SLC26A5: variants seen among roughly 807,000 people sequenced by gnomAD.
SLC26A5 encodes the protein prestin.
SLC26A5 carries 51 observed loss-of-function variants against 81.0 expected under a neutral mutation model. That is an observed-to-expected ratio of 0.63 (90% confidence interval 0.50 to 0.80). The LOEUF (loss-of-function observed/expected upper bound fraction) is 0.80. SLC26A5 is among the 30% of genes least tolerant of loss of function. The pLI, the probability that SLC26A5 is intolerant of heterozygous loss-of-function variation, is 0.00. For missense variants in SLC26A5, 771 were observed against 905.8 expected, an observed-to-expected ratio of 0.85 and a Z score of 1.91; for synonymous variants, 325 against 332.8, an observed-to-expected ratio of 0.98 and a Z score of 0.25.
chr7:103,393,567 CTGTG>C (rs10549297), intron 9 of SLC26A5, among the ~76,000 whole-genome samples: 223 of 146,764 alleles, frequency 1.5e-3, no homozygotes, highest in Admixed American at 1.9e-3. Flanking sequence ...CTACCTCTTC[CTGTG>C]TGTGTGTGTG....
intron 1 of SLC26A5, among the ~76,000 whole-genome samples, chr7:103,444,467 G>A (rs1348620619): frequency 1.3e-5 from 2 of 152,114 alleles, no homozygotes; most frequent in Non-Finnish European, 2.9e-5. Flanking sequence ...GACTTTGATC[G>A]TCAATTAAAT....
rs752911104 is a variant in SLC26A5, at chr7:103,367,645, G to A, written c.2041+9163C>T. ...GAAAACCATTTCATTTTAGGAAAGG[G>A]ATTTTTGAAGTTTTTTCTTCCTGTG... On this transcript the variant is annotated intron_variant, in intron 19 of 19. Transcript: ENST00000339444. The surrounding 1 kb of genome is among the most constrained non-coding windows in gnomAD (Gnocchi z 6.1). 6 of 1,608,992 alleles carry A rather than the reference G, an allele frequency of 3.7e-6. No homozygotes were observed. In the South Asian group the frequency reaches 6.7e-5, roughly 18 times the overall value.
In SLC26A5 at chr7:103,421,569, T is replaced by C. The variant is rs116900495; in HGVS notation, c.-53-2A>G. ...GAGACAAGCATTTCCTGAGTGTCAC[T>C]AGGGGAAAAAAGAAAAACTCCATTT... On this transcript the variant is annotated splice_acceptor_variant, in intron 2 of 19. Transcript: ENST00000306312. LOFTEE classifies it low-confidence loss of function (5UTR_SPLICE). 0.011 allele frequency: 17,620 copies of C among 1,583,898 alleles called. 110 individuals carry two copies. The highest frequency in any genetic ancestry group is 0.013 in the Non-Finnish European group (15,008 of 1,155,132).
intron 9 of SLC26A5, among the ~76,000 whole-genome samples, chr7:103,397,582 T>C (rs1178462491): frequency 1.4e-5 from 2 of 142,738 alleles, no homozygotes; most frequent in Non-Finnish European, 1.5e-5. Context: ...CCAGGTGTGG[T>C]AGCATACGCC....
intron 19 of SLC26A5, 58 bp from the exon 20 acceptor site, chr7:103,374,650 A>T (rs1821220285): frequency 1.3e-6 from 2 of 1,486,120 alleles, no homozygotes; most frequent in African/African-American, 2.8e-5. Context: ...TTCAACAATT[A>T]AAAAAAAGTA....
chr7:103,415,151 T>C (rs908113444), intron 4 of SLC26A5, among the ~76,000 whole-genome samples: 4 of 152,198 alleles, frequency 2.6e-5, no homozygotes, highest in Non-Finnish European at 5.9e-5. Context: ...AAAACAGCTT[T>C]AGCAAAAGAA....
In SLC26A5 at chr7:103,353,864, T is replaced by A. The variant is rs572657849; in HGVS notation, c.2042-938A>T. On this transcript the variant is annotated intron_variant, in intron 19 of 19. Coordinates refer to the SLC26A5 transcript ENST00000339444. ...AGAAAAAAAGCTCTAGTTTCTTTTT[T>A]AAAAATTTTAATTCTAGTTTCTTTT... 2.4e-5 allele frequency: 35 copies of A among 1,478,580 alleles called. No individual in the cohort carries two copies. In the African/African-American group the frequency reaches 4.2e-4, roughly 18 times the overall value. The allele number at this position is 1,478,580 out of a possible 1,614,324, so 91.6% of individuals were successfully genotyped here. A position where few individuals can be genotyped will look rare whatever the true frequency, so the allele number is the denominator to read the frequency against.
chr7:103,411,382 CA>C (rs1824472942), intron 6 of SLC26A5, 37 bp downstream of exon 6: 3 of 1,612,306 alleles, frequency 1.9e-6, no homozygotes, highest in Non-Finnish European at 2.5e-6. Context: ...GTTAGGTTAA[CA>C]AACGAGACAG....
rs148290642 is a variant in SLC26A5 at position 103,360,974 on chromosome 7, C to T, written c.2042-8048G>A. Among the ~76,000 whole-genome samples, 442 of 152,038 alleles carry T rather than the reference C, an allele frequency of 2.9e-3. 1 individual carries two copies. The highest frequency in any genetic ancestry group is 9.8e-3 in the African/African-American group (408 of 41,476). ...TAAAAATACAAAACAATTAGCCGGG[C>T]GTGCTGGCGCATTCCTGTAATGCCA... On this transcript the variant is annotated intron_variant, in intron 19 of 19. Transcript: ENST00000339444.
downstream of SLC26A5, among the ~76,000 whole-genome samples, chr7:103,372,063 T>G (rs1158778004): frequency 6.6e-6 from 1 of 152,208 alleles, no homozygotes; most frequent in Non-Finnish European, 1.5e-5. Flanking sequence ...ATTAGCTCGT[T>G]TACAAAAGTT....
chr7:103,355,093 A>C, intron 19 of SLC26A5: 52 of 645,958 alleles, frequency 8.1e-5, no homozygotes, highest in Non-Finnish European at 8.6e-5. Context: ...ATTAGATCTC[A>C]TTTAACCATA....
chr7:103,408,102 T>C, intron 7 of SLC26A5, 99 bp from the exon 8 acceptor site: 1 of 1,495,520 alleles, frequency 6.7e-7, no homozygotes, highest in South Asian at 1.2e-5. Flanking sequence ...ATTCCGTTAT[T>C]GGATATTTCT....
At chr7:103,365,359 C>T (rs897701676) in intron 19 of SLC26A5, among the ~76,000 whole-genome samples, 2 of 152,132 alleles carry the variant, frequency 1.3e-5, no homozygotes, top group Non-Finnish European at 2.9e-5. Context: ...AGGCCAGGCA[C>T]GGTGGCTCAT....
chr7:103,408,970 G>A (rs1400591507), intron 7 of SLC26A5, among the ~76,000 whole-genome samples: 4 of 152,166 alleles, frequency 2.6e-5, no homozygotes, highest in Non-Finnish European at 5.9e-5. Context: ...AGAGTAAGAA[G>A]TATGATAATA....
intron 1 of SLC26A5, chr7:103,445,352 T>C (rs1185236272): frequency 6.6e-6 from 1 of 152,138 alleles, no homozygotes; most frequent in Non-Finnish European, 1.5e-5. Context: ...AGTCAATTGG[T>C]TCCCGATCAA....
chr7:103,402,867 T>C (rs1823722972), intron 8 of SLC26A5, among the ~76,000 whole-genome samples: 1 of 152,228 alleles, frequency 6.6e-6, no homozygotes, highest in Non-Finnish European at 1.5e-5. Context: ...TTCTTGTCTC[T>C]ATCTCCTTCA....
intron 4 of SLC26A5, among the ~76,000 whole-genome samples, chr7:103,413,601 T>G (rs1430555428): frequency 6.6e-6 from 1 of 152,090 alleles, no homozygotes; most frequent in African/African-American, 2.4e-5. Context: ...TTTTGGCTGG[T>G]GTATGCTCAT....
At chr7:103,369,648 C>T (rs1021956801), downstream of SLC26A5, among the ~76,000 whole-genome samples, 1 of 152,054 alleles carries the variant, frequency 6.6e-6, no homozygotes, top group Non-Finnish European at 1.5e-5. Flanking sequence ...TGTTTGTACT[C>T]AAAGAGATGA....
intron 14 of SLC26A5, among the ~76,000 whole-genome samples, chr7:103,387,662 C>A (rs1822301040): frequency 1.3e-5 from 2 of 152,172 alleles, no homozygotes; most frequent in Admixed American, 6.5e-5. Context: ...TGACTAAAGT[C>A]CAGGCTATTT....
Sources: gnomAD v4.1 joint callset for allele counts (sites outside exome capture counted in the v4.1 genomes callset) on GRCh38, gnomAD v4.1.1 for gene constraint, Gnocchi (gnomAD v3.1) non-coding constraint, MANE v1.5 for transcripts, NCBI Gene and HGNC (gene_info 2026-07-23, HGNC 2026-07-21) for gene names.